BCL2L1: variants seen among roughly 807,000 people sequenced by gnomAD.
BCL2L1 encodes bcl-2-like protein 1.
BCL2L1 carries 1 observed loss-of-function variant against 18.7 expected under a neutral mutation model. That is an observed-to-expected ratio of 0.05 (90% confidence interval 0.02 to 0.25). BCL2L1 has a LOEUF of 0.25. Ranked by LOEUF, BCL2L1 falls within the 10% of genes least tolerant of loss-of-function variation. The pLI, the probability that BCL2L1 is intolerant of heterozygous loss-of-function variation, is 1.00. For synonymous variants in BCL2L1, 103 were observed against 122.7 expected (o/e 0.84, Z 1.06); for missense variants, 207 against 304.9 (o/e 0.68, Z 2.39).
intron 2 of BCL2L1, 135 bp downstream of exon 2, chr20:31,721,520 G>T (rs990472910): frequency 5.7e-6 from 6 of 1,052,676 alleles, no homozygotes; most frequent in Non-Finnish European, 8.0e-6. Flanking sequence ...GTGAAATGAG[G>T]CCAGTCAGGT....
intron 2 of BCL2L1, among the ~76,000 whole-genome samples, chr20:31,681,775 TTTC>T (rs2060867147): frequency 6.6e-6 from 1 of 152,234 alleles, no homozygotes; most frequent in African/African-American, 2.4e-5. Flanking sequence ...CCCTTGGGGA[TTTC>T]TTTCCAGTTT....
At chr20:31,670,928 G>A (rs1290301025) in intron 2 of BCL2L1, among the ~76,000 whole-genome samples, 3 of 152,180 alleles carry the variant, frequency 2.0e-5, no homozygotes, top group Non-Finnish European at 4.4e-5. Context: ...GCAGAGATAA[G>A]CCCCTACTGC....
chr20:31,685,925 A>G (rs553149484), intron 2 of BCL2L1, among the ~76,000 whole-genome samples: 1 of 152,234 alleles, frequency 6.6e-6, no homozygotes, highest in East Asian at 1.9e-4. Flanking sequence ...GTGAACAGGT[A>G]CTCTAGGAGG....
rs113731693 is a variant in BCL2L1 at position 31,668,323 on chromosome 20, GT to G, written c.565-2238del. Among the ~76,000 whole-genome samples the G allele has an allele frequency of 9.5e-3, 1,368 of 143,378 alleles. 14 individuals are homozygous for G. The highest frequency in any genetic ancestry group is 0.029 in the African/African-American group (1,125 of 39,372). The allele number at this position is 143,378 out of a possible 152,430, so 94.1% of individuals were successfully genotyped here. A position where few individuals can be genotyped will look rare whatever the true frequency, so the allele number is the denominator to read the frequency against. On this transcript the variant is annotated intron_variant, in intron 2 of 2. Transcript: ENST00000307677. ...TTACCTTCCTTGATTTTTCTTCTCA[GT>G]TTTTTTTTTTTTTGAGACACAGTTT...
intron 2 of BCL2L1, among the ~76,000 whole-genome samples, chr20:31,714,496 T>C (rs1162656272): frequency 6.6e-6 from 1 of 152,134 alleles, no homozygotes; most frequent in Non-Finnish European, 1.5e-5. Flanking sequence ...ATGCGTTCTG[T>C]GGAAAGATAA....
chr20:31,679,785 T>G (rs911812104), intron 2 of BCL2L1, among the ~76,000 whole-genome samples: 1 of 152,252 alleles, frequency 6.6e-6, no homozygotes, highest in African/African-American at 2.4e-5. Flanking sequence ...TGCCTCAGCC[T>G]CCTGAGTAGC....
intron 2 of BCL2L1, among the ~76,000 whole-genome samples, chr20:31,690,850 G>C (rs1251514028): frequency 6.6e-6 from 1 of 152,042 alleles, no homozygotes; most frequent in African/African-American, 2.4e-5. Flanking sequence ...TGTTCATTAT[G>C]AGATATTAAT....
intron 2 of BCL2L1, among the ~76,000 whole-genome samples, chr20:31,709,494 TG>T (rs1373469515): frequency 6.6e-6 from 1 of 151,916 alleles, no homozygotes; most frequent in Admixed American, 6.6e-5. Context: ...CCCAAGTAGC[TG>T]GGATTACAGG....
intron 2 of BCL2L1, among the ~76,000 whole-genome samples, chr20:31,699,028 G>A (rs1291213000): frequency 6.6e-6 from 1 of 152,134 alleles, no homozygotes; most frequent in Non-Finnish European, 1.5e-5. Context: ...CCTAAGCCTC[G>A]GACTTAGGCA....
chr20:31,690,541 T>C (rs1385672709), intron 2 of BCL2L1, among the ~76,000 whole-genome samples: 1 of 152,108 alleles, frequency 6.6e-6, no homozygotes, highest in Non-Finnish European at 1.5e-5. Flanking sequence ...CAGTAGTATT[T>C]TGAAGCAAAT....
chr20:31,668,355 TGTCC>T (rs2060617391), intron 2 of BCL2L1, among the ~76,000 whole-genome samples: 1 of 151,956 alleles, frequency 6.6e-6, no homozygotes, highest in Admixed American at 6.6e-5. Context: ...AGTTTTATTC[TGTCC>T]CCCAGGCTGG....
upstream of BCL2L1, chr20:31,723,523 C>G: frequency 2.0e-6 from 2 of 985,110 alleles, no homozygotes; most frequent in Non-Finnish European, 2.4e-6. Context: ...CTCGAGCTCA[C>G]TAGGCCGGGT....
intron 2 of BCL2L1, among the ~76,000 whole-genome samples, chr20:31,685,890 T>C (rs890109411): frequency 6.6e-6 from 1 of 152,178 alleles, no homozygotes; most frequent in Non-Finnish European, 1.5e-5. Context: ...TTTCTTCATA[T>C]ATAAACCAAA....
At position 31,665,754 on chromosome 20, in the gene BCL2L1, G is replaced by A; in HGVS notation, c.*195C>T. 2 of 699,512 alleles carry A rather than the reference G, an allele frequency of 2.9e-6. No homozygotes were observed. Among genetic ancestry groups the A allele is most frequent in the Non-Finnish European group, 4.7e-6 (2 of 429,448 alleles). 43.3% of individuals were successfully genotyped at this position (699,512 alleles called of 1,614,324 possible). Reference sequence around the variant, plus strand: ...TGAATTCTGAGGCCAAGGGAACTGAGGTGTGGGGGTCTCACAGAAGTGTGA... The same window carrying A: ...TGAATTCTGAGGCCAAGGGAACTGAAGTGTGGGGGTCTCACAGAAGTGTGA... On this transcript the variant is annotated 3_prime_UTR_variant, in exon 3 of 3. Transcript: ENST00000307677.
intron 2 of BCL2L1, among the ~76,000 whole-genome samples, chr20:31,668,417 A>G (rs1023988934): frequency 1.3e-5 from 2 of 150,456 alleles, no homozygotes; most frequent in Admixed American, 1.3e-4. Context: ...CTTCCTGGGT[A>G]CAAGCGATTC....
chr20:31,711,738 A>T (rs950574111), intron 2 of BCL2L1, among the ~76,000 whole-genome samples: 1 of 152,206 alleles, frequency 6.6e-6, no homozygotes, highest in East Asian at 1.9e-4. Flanking sequence ...TTACTGTGGG[A>T]CAAGACCCCT....
chr20:31,705,762 C>G (rs1340051952), intron 2 of BCL2L1, among the ~76,000 whole-genome samples: 1 of 152,178 alleles, frequency 6.6e-6, no homozygotes, highest in Non-Finnish European at 1.5e-5. Flanking sequence ...AATATGGAAC[C>G]TACACTAGCA....
chr20:31,703,804 T>G (rs1245327884), intron 2 of BCL2L1, among the ~76,000 whole-genome samples: 4 of 149,746 alleles, frequency 2.7e-5, no homozygotes, highest in Non-Finnish European at 5.9e-5. Context: ...GAACTTGTTT[T>G]TTTTTTTTTT....
intron 2 of BCL2L1, among the ~76,000 whole-genome samples, chr20:31,688,301 C>T (rs2122594122): frequency 1.3e-5 from 2 of 151,716 alleles, no homozygotes; most frequent in African/African-American, 4.8e-5. Context: ...AAAATTAGCC[C>T]AGCAAGGTGG....
Sources: allele counts gnomAD v4.1 joint callset (sites outside exome capture counted in the v4.1 genomes callset), GRCh38; gene constraint gnomAD v4.1.1; transcripts MANE v1.5; gene names NCBI Gene and HGNC (gene_info 2026-07-23, HGNC 2026-07-21).